PCDHA13: variants seen among roughly 807,000 people sequenced by gnomAD.
The protein encoded by PCDHA13 is protocadherin alpha-13.
A neutral mutation model predicts 64.8 loss-of-function variants in PCDHA13; 54 were observed. The ratio of observed to expected loss-of-function variants is 0.83; its 90% CI spans 0.67 to 1.04. The LOEUF (loss-of-function observed/expected upper bound fraction) is 1.04, where lower values mean the gene tolerates loss of function less well. PCDHA13 is among the 50% of genes least tolerant of loss of function. The pLI is 0.00. For synonymous variants in PCDHA13, 587 were observed against 564.4 expected (o/e 1.04, Z -0.57); for missense variants, 1,248 against 1,254.3 (o/e 0.99, Z 0.08).
chr5:141,006,948 A>G (rs1432589918), intron 3 of PCDHA13, among the ~76,000 whole-genome samples: 3 of 152,194 alleles, frequency 2.0e-5, no homozygotes, highest in African/African-American at 7.2e-5. Flanking sequence ...CCAGATAGGC[A>G]GTTATACATG....
intron 1 of PCDHA13, among the ~76,000 whole-genome samples, chr5:140,951,795 C>T (rs2094636851): frequency 6.6e-6 from 1 of 152,166 alleles, no homozygotes; most frequent in African/African-American, 2.4e-5. Context: ...ACAATTATCC[C>T]TTCCCAATGG....
chr5:140,928,778 C>G (rs564618368), intron 1 of PCDHA13: 3 of 1,614,136 alleles, frequency 1.9e-6, no homozygotes, highest in East Asian at 4.5e-5. Context: ...CCCACTGATG[C>G]AGTTAAGCAG....
intron 1 of PCDHA13, among the ~76,000 whole-genome samples, chr5:140,910,538 AT>A: frequency 6.6e-6 from 1 of 152,180 alleles, no homozygotes; most frequent in Non-Finnish European, 1.5e-5. Context: ...TCACAAATCT[AT>A]TTTGCAAAGT....
chr5:140,978,642 C>T (rs140934683), intron 1 of PCDHA13, among the ~76,000 whole-genome samples: 126 of 152,354 alleles, frequency 8.3e-4, no homozygotes, highest in African/African-American at 2.8e-3. Context: ...TCAAAGCAGA[C>T]TGTTCTTCCC....
chr5:140,933,522 T>A (rs1399438253), intron 1 of PCDHA13, among the ~76,000 whole-genome samples: 3 of 152,066 alleles, frequency 2.0e-5, no homozygotes, highest in Non-Finnish European at 4.4e-5. Flanking sequence ...AGCTGTTTTG[T>A]TTAAACTCAA....
At chr5:140,959,331 T>C (rs1170663171) in intron 1 of PCDHA13, among the ~76,000 whole-genome samples, 1 of 152,072 alleles carries the variant, frequency 6.6e-6, no homozygotes. Flanking sequence ...GTTTTGATTA[T>C]GCTACTGCAC....
chr5:140,935,118 T>G (rs189908862), intron 1 of PCDHA13, among the ~76,000 whole-genome samples: 6 of 152,324 alleles, frequency 3.9e-5, no homozygotes, highest in Admixed American at 3.3e-4. Flanking sequence ...AGCTTTCACT[T>G]ATTTTTAGTG....
At position 141,010,202 on chromosome 5, in the gene PCDHA13, GC is replaced by G. The variant is rs1308553255; in HGVS notation, c.*267del. 6.4e-7 allele frequency: 1 copy of G among 1,551,944 alleles called. No individual in the cohort carries two copies. The highest frequency in any genetic ancestry group is 8.7e-7 in the Non-Finnish European group (1 of 1,147,050). The stretch of plus-strand genomic sequence containing the variant: ...CAGACCCAAGTTTCCTTTCTCCTCC[GC>G]CGCAAAGGAGAGGCTTCCCAGCCCC... On this transcript the variant is annotated 3_prime_UTR_variant, in exon 4 of 4. Transcript: ENST00000289272.
At chr5:140,991,109 C>A (rs987847767) in intron 3 of PCDHA13, among the ~76,000 whole-genome samples, 1 of 152,156 alleles carries the variant, frequency 6.6e-6, no homozygotes, top group Non-Finnish European at 1.5e-5. Flanking sequence ...AATTAAGTGG[C>A]TTTCTTACAT....
intron 2 of PCDHA13, among the ~76,000 whole-genome samples, chr5:140,980,920 A>T (rs1040099192): frequency 1.3e-5 from 2 of 152,166 alleles, no homozygotes; most frequent in African/African-American, 4.8e-5. Context: ...TCTTTAAAAA[A>T]TTCTGCTTTG....
chr5:140,937,213 A>AT (rs1339770312), intron 1 of PCDHA13, among the ~76,000 whole-genome samples: 2 of 151,454 alleles, frequency 1.3e-5, no homozygotes, highest in Admixed American at 1.3e-4. Flanking sequence ...AATTTTTTGT[A>AT]TTTTTTGTAG....
Position 141,010,040 on chromosome 5 carries a change from C to G in PCDHA13, c.*103C>G. On this transcript the variant is annotated 3_prime_UTR_variant, in exon 4 of 4. Transcript: ENST00000289272. Reference sequence around the variant, plus strand: ...CCTTTTTCCTATCTACATGAGCCCTCTTAGAGACCTCAGAAATCTGCAGAA... The same window carrying G: ...CCTTTTTCCTATCTACATGAGCCCTGTTAGAGACCTCAGAAATCTGCAGAA... 5.6e-6 allele frequency: 9 copies of G among 1,593,642 alleles called. No individual in the cohort carries two copies. The highest frequency in any genetic ancestry group is 7.7e-6 in the Non-Finnish European group (9 of 1,170,750).
intron 1 of PCDHA13, among the ~76,000 whole-genome samples, chr5:140,940,208 A>T (rs1193106137): frequency 6.6e-6 from 1 of 152,164 alleles, no homozygotes; most frequent in Non-Finnish European, 1.5e-5. Flanking sequence ...AAAATTCAAG[A>T]TTGGCATTTA....
At chr5:140,967,996 C>T in intron 1 of PCDHA13, 2 of 1,614,214 alleles carry the variant, frequency 1.2e-6, no homozygotes, top group Non-Finnish European at 1.7e-6. Flanking sequence ...CACTGCCTTT[C>T]CGACTGAATG....
intron 1 of PCDHA13, among the ~76,000 whole-genome samples, chr5:140,903,033 G>A (rs2069954043): frequency 6.6e-6 from 1 of 152,180 alleles, no homozygotes; most frequent in African/African-American, 2.4e-5. Context: ...GCTTGCACAT[G>A]TGTCTTTTTC....
At position 140,953,880 on chromosome 5, in the gene PCDHA13, C is replaced by T. The variant is rs56350351; in HGVS notation, c.2395-25069C>T. On this transcript the variant is annotated intron_variant, in intron 1 of 3. Coordinates refer to ENST00000289272, the MANE Select transcript of PCDHA13 (RefSeq NM_018904.3). ...TGGTGGTTTGCTGCACAGATCAACCCATCACCTAGGTATTAAGCCCAGCAT... is the reference window on the plus strand; with the variant it reads ...TGGTGGTTTGCTGCACAGATCAACCTATCACCTAGGTATTAAGCCCAGCAT... Among the ~76,000 whole-genome samples, 609 of 152,246 alleles carry T rather than the reference C, an allele frequency of 4.0e-3. 7 individuals are homozygous for T. Among genetic ancestry groups the T allele is most frequent in the African/African-American group, 0.014 (577 of 41,548 alleles).
At chr5:140,906,872 C>T (rs1421521976) in intron 1 of PCDHA13, among the ~76,000 whole-genome samples, 4 of 152,230 alleles carry the variant, frequency 2.6e-5, no homozygotes, top group African/African-American at 9.6e-5. Flanking sequence ...CCAGCCAACA[C>T]TGTAACTTCC....
At chr5:140,993,831 T>C (rs2097584101) in intron 3 of PCDHA13, among the ~76,000 whole-genome samples, 1 of 152,190 alleles carries the variant, frequency 6.6e-6, no homozygotes, top group South Asian at 2.1e-4. Flanking sequence ...CTATACCATA[T>C]AGCCTAGGTA....
At chr5:140,933,928 T>G (rs1055877190) in intron 1 of PCDHA13, among the ~76,000 whole-genome samples, 1 of 152,080 alleles carries the variant, frequency 6.6e-6, no homozygotes, top group Non-Finnish European at 1.5e-5. Flanking sequence ...TGTCCTGTTG[T>G]GACTTTTTTT....
Sources: gnomAD v4.1 joint callset for allele counts (sites outside exome capture counted in the v4.1 genomes callset) on GRCh38, gnomAD v4.1.1 for gene constraint, MANE v1.5 for transcripts, NCBI Gene and HGNC (gene_info 2026-07-23, HGNC 2026-07-21) for gene names.